TRMT44: variants seen among roughly 807,000 people sequenced by gnomAD.
The protein encoded by TRMT44 is tRNA methyltransferase 44 homolog.
A neutral mutation model predicts 77.3 loss-of-function variants in TRMT44; 78 were observed. That is an observed-to-expected ratio of 1.01 (90% CI 0.84 to 1.22). The LOEUF (loss-of-function observed/expected upper bound fraction) is 1.22, where lower values mean the gene tolerates loss of function less well. Among genes scored for constraint, TRMT44 ranks in the 50% most tolerant of loss-of-function variants. The pLI, the probability that TRMT44 is intolerant of heterozygous loss-of-function variation, is 0.00. For synonymous variants in TRMT44, 391 were observed against 383.3 expected (o/e 1.02, Z -0.23); for missense variants, 1,090 against 964.4 (o/e 1.13, Z -1.73).
At position 8,451,015 on chromosome 4, in the gene TRMT44, G is replaced by C. The variant is rs138863532; in HGVS notation, c.955-945G>C. ...TTCCCAGGGCTCAAGTGTTCTGCCT[G>C]CTTTGGCCTCCTAAAGTGCTTGGAT... On this transcript the variant is annotated intron_variant, in intron 3 of 10. Coordinates refer to ENST00000389737, the MANE Select transcript of TRMT44 (RefSeq NM_152544.3). This position sits in a 1 kb window ranked among gnomAD's most constrained non-coding sequence, Gnocchi z 4.1. Among the ~76,000 whole-genome samples, 4 of 152,150 alleles carry C rather than the reference G, an allele frequency of 2.6e-5. No individual in the cohort carries two copies. The highest frequency in any genetic ancestry group is 5.9e-5 in the Non-Finnish European group (4 of 67,990).
rs1320257560 is a variant in TRMT44 at position 8,446,727 on chromosome 4, C to T, written c.734+137C>T. 1 of 595,862 alleles carries T rather than the reference C, an allele frequency of 1.7e-6. No homozygotes were observed. The highest frequency in any genetic ancestry group is 2.9e-6 in the Non-Finnish European group (1 of 347,894). The allele number at this position is 595,862 out of a possible 1,614,324, so 36.9% of individuals were successfully genotyped here. On this transcript the variant is annotated intron_variant, in intron 2 of 10. Coordinates refer to ENST00000389737, the MANE Select transcript of TRMT44 (RefSeq NM_152544.3). This position sits in a 1 kb window ranked among gnomAD's most constrained non-coding sequence, Gnocchi z 4.3. ...TGGTTTGTAGGAATGCAGTTGCTAG[C>T]TTATGTGCCCAGGCCATGTTGCTCT...
intron 6 of TRMT44, among the ~76,000 whole-genome samples, chr4:8,457,444 C>A (rs969651751): frequency 6.6e-6 from 1 of 152,164 alleles, no homozygotes; most frequent in Admixed American, 6.5e-5. Flanking sequence ...CTCCTGGCCA[C>A]CCAGAACCTC....
At chr4:8,486,201 G>A (rs781401949) in intron 2 of TRMT44, among the ~76,000 whole-genome samples, 113 of 152,212 alleles carry the variant, frequency 7.4e-4, no homozygotes, top group Non-Finnish European at 1.3e-3. Flanking sequence ...CTCGGGCTGC[G>A]GGCATTCCTT....
intron 6 of TRMT44, among the ~76,000 whole-genome samples, chr4:8,457,951 C>G (rs1231455689): frequency 6.6e-6 from 1 of 152,170 alleles, no homozygotes. Context: ...AATTCAAGAG[C>G]TAATAGACTC....
At chr4:8,472,451 C>T (rs1727071505) in intron 10 of TRMT44, among the ~76,000 whole-genome samples, 1 of 152,220 alleles carries the variant, frequency 6.6e-6, no homozygotes, top group African/African-American at 2.4e-5. Context: ...TTCTGGGTCC[C>T]CTGCCCATGA....
At chr4:8,475,156 G>T (rs572550018) in intron 10 of TRMT44, among the ~76,000 whole-genome samples, 34 of 152,350 alleles carry the variant, frequency 2.2e-4, no homozygotes, top group African/African-American at 7.9e-4. Context: ...AGGAGCAGAG[G>T]CTGCCCTGCA....
intron 6 of TRMT44, among the ~76,000 whole-genome samples, chr4:8,459,945 A>G (rs1726046000): frequency 6.6e-6 from 1 of 152,172 alleles, no homozygotes; most frequent in South Asian, 2.1e-4. Context: ...AGAACAGAAC[A>G]GAGGCTGGGC....
In TRMT44 at chr4:8,465,515, G is replaced by C; in HGVS notation, c.1448G>C (p.Gly483Ala). ...DFIKEVGFTC[G>A]FHVDEDCLRI... Reference sequence around the variant, plus strand: ...ATTAAAGAAGTGGGCTTCACCTGTGGGTTTCACGTGGACGAAGACTGCCTC... The same window carrying C: ...ATTAAAGAAGTGGGCTTCACCTGTGCGTTTCACGTGGACGAAGACTGCCTC... The change falls in exon 8 of 11, where the codon GGG becomes GCG. Residue 483 changes from glycine to alanine, a missense_variant. By Grantham distance (60) the Gly-to-Ala change is moderately conservative. Transcript: ENST00000389737. 1 of 1,614,032 alleles carries C rather than the reference G, an allele frequency of 6.2e-7. No homozygotes were observed. Among genetic ancestry groups the C allele is most frequent in the Non-Finnish European group, 8.5e-7 (1 of 1,179,990 alleles).
At chr4:8,476,963 A>C (rs1462634699), downstream of TRMT44, 1 of 151,624 alleles carries the variant, frequency 6.6e-6, no homozygotes, top group African/African-American at 2.4e-5. Flanking sequence ...CTGGCCTTGA[A>C]CTCTTGGGTT....
chr4:8,460,436 A>G (rs1306512754), intron 6 of TRMT44, among the ~76,000 whole-genome samples: 2 of 152,236 alleles, frequency 1.3e-5, no homozygotes, highest in African/African-American at 4.8e-5. Context: ...TTTCTCTATC[A>G]CTTACCCTCA....
intron 9 of TRMT44, 183 bp from the exon 10 acceptor site, chr4:8,470,901 A>T (rs1357988784): frequency 7.6e-6 from 4 of 524,130 alleles, no homozygotes; most frequent in African/African-American, 1.9e-5. Flanking sequence ...CTGGGTGGGG[A>T]CGCCACGGCC....
At chr4:8,450,005 A>T in intron 3 of TRMT44, 117 bp downstream of exon 3, 1 of 623,650 alleles carries the variant, frequency 1.6e-6, no homozygotes, top group Non-Finnish European at 2.5e-6. Flanking sequence ...CCCCCCCAAA[A>T]AAAAGGGCCA....
intron 10 of TRMT44, among the ~76,000 whole-genome samples, chr4:8,475,281 C>T (rs1053459011): frequency 5.9e-5 from 9 of 152,190 alleles, no homozygotes; most frequent in Non-Finnish European, 1.3e-4. Flanking sequence ...TCTCGTGTTT[C>T]GGCTCTCACA....
downstream of TRMT44, among the ~76,000 whole-genome samples, chr4:8,481,041 C>T (rs1388169201): frequency 1.3e-5 from 2 of 152,174 alleles, no homozygotes; most frequent in Admixed American, 6.5e-5. Context: ...AACTCTAGCA[C>T]CTTTTGAAAG....
intron 2 of TRMT44, among the ~76,000 whole-genome samples, chr4:8,488,528 A>G (rs1316678977): frequency 6.6e-6 from 1 of 152,246 alleles, no homozygotes; most frequent in Admixed American, 6.5e-5. Context: ...TCACAAGGTA[A>G]TGTCATCACT....
Position 8,491,606 on chromosome 4 carries a change from C to T in TRMT44, n.3892-1660C>T, listed in dbSNP as rs552443666. ...GAAATCGAGCACAGCGCCGGTGGGC[C>T]GGCACTGCTGGGGGACCTAGTACAC... On this transcript the variant is annotated intron_variant and non_coding_transcript_variant, in intron 2 of 2. Transcript: ENST00000511366. Among the ~76,000 whole-genome samples, 90 of 152,318 alleles carry T rather than the reference C, an allele frequency of 5.9e-4. 1 individual carries two copies. Among genetic ancestry groups the T allele is most frequent in the African/African-American group, 2.0e-3 (84 of 41,578 alleles).
chr4:8,510,043 CG>C, the TRMT44 span, among the ~76,000 whole-genome samples: 1 of 152,140 alleles, frequency 6.6e-6, no homozygotes, highest in South Asian at 2.1e-4. Flanking sequence ...GAGCGAGATC[CG>C]GGCTGGACGT....
chr4:8,503,738 C>T, the TRMT44 span, among the ~76,000 whole-genome samples: 1 of 152,226 alleles, frequency 6.6e-6, no homozygotes, highest in Admixed American at 6.5e-5. Flanking sequence ...TCTTCTCTTG[C>T]TTTGGCCTGG....
chr4:8,468,112 G>A lies in TRMT44; in HGVS notation c.1693G>A (p.Gly565Arg), dbSNP rs1487870915. Reference protein sequence around the residue: ...DGQQALDARVGCVTRAWAAEH... With the variant: ...DGQQALDARVRCVTRAWAAEH... The stretch of plus-strand genomic sequence containing the variant: ...TCAGCAAGCTCTGGACGCCAGGGTC[G>A]GGTGTGTAACCAGGGCCTGGGCCGC... Residue 565 changes from glycine (G) to arginine (R), a missense_variant, in exon 9 of 11, where the codon GGG becomes AGG. Gly to Arg is a moderately radical substitution (Grantham distance 125, BLOSUM62 -2). Coordinates refer to ENST00000389737, the MANE Select transcript of TRMT44 (RefSeq NM_152544.3). 5.6e-6 allele frequency: 9 copies of A among 1,613,788 alleles called. No individual in the cohort carries two copies. Among genetic ancestry groups the A allele is most frequent in the Admixed American group, 1.7e-5 (1 of 59,996 alleles).
Sources: gnomAD v4.1 joint callset for allele counts (sites outside exome capture counted in the v4.1 genomes callset) on GRCh38, gnomAD v4.1.1 for gene constraint, Gnocchi (gnomAD v3.1) non-coding constraint, MANE v1.5 for transcripts, NCBI Gene and HGNC (gene_info 2026-07-23, HGNC 2026-07-21) for gene names.